The following BBS9 variants were observed in gnomAD, a reference collection of about 807,000 sequenced individuals.
BBS9 encodes the protein protein PTHB1.
BBS9 carries 89 observed loss-of-function variants against 117.7 expected under a neutral mutation model. The ratio of observed to expected loss-of-function variants is 0.76; its 90% CI spans 0.64 to 0.90. The LOEUF is 0.90. Ranked by LOEUF, BBS9 falls within the 40% of genes least tolerant of loss-of-function variation. The probability of loss-of-function intolerance (pLI) is 0.00; values close to 1 mark genes in which losing one functional copy is unlikely to be tolerated. For synonymous variants in BBS9, 379 were observed against 370.9 expected, an observed-to-expected ratio of 1.02 and a Z score of -0.25; for missense variants, 982 against 1,042.2, an observed-to-expected ratio of 0.94 and a Z score of 0.80.
At chr7:33,212,655 A>C (rs1353402608) in intron 5 of BBS9, among the ~76,000 whole-genome samples, 1 of 152,082 alleles carries the variant, frequency 6.6e-6, no homozygotes, top group Non-Finnish European at 1.5e-5. Context: ...TATTTATTGT[A>C]GTCTTTGCAG....
intron 19 of BBS9, among the ~76,000 whole-genome samples, chr7:33,486,428 A>G (rs1362231299): frequency 6.6e-6 from 1 of 152,248 alleles, no homozygotes; most frequent in East Asian, 1.9e-4. Flanking sequence ...CTGTAAAGAA[A>G]TTAAATTTGT....
chr7:33,600,732 G>A (rs1863667768), intron 21 of BBS9, among the ~76,000 whole-genome samples: 1 of 152,166 alleles, frequency 6.6e-6, no homozygotes. Context: ...CATCAGTGGA[G>A]TCAACTCCAG....
chr7:33,455,441 A>G (rs1838502422), intron 19 of BBS9, among the ~76,000 whole-genome samples: 1 of 152,230 alleles, frequency 6.6e-6, no homozygotes. Flanking sequence ...TTCATATTTT[A>G]TAGAAAGTCA....
chr7:33,258,154 A>C (rs1346687606), intron 6 of BBS9, among the ~76,000 whole-genome samples: 2 of 152,190 alleles, frequency 1.3e-5, no homozygotes, highest in African/African-American at 4.8e-5. Context: ...TGGGAAAAGA[A>C]ATAGCCTTGG....
intron 4 of BBS9, among the ~76,000 whole-genome samples, chr7:33,158,344 A>G (rs1487847332): frequency 2.6e-5 from 4 of 152,200 alleles, no homozygotes; most frequent in Admixed American, 6.6e-5. Flanking sequence ...TTTCTAATTG[A>G]TGAAACTTTA....
In BBS9 at chr7:33,350,891, C is replaced by A. The variant is rs111340925; in HGVS notation, c.1433-328C>A. The stretch of plus-strand genomic sequence containing the variant: ...GTATTTTTAGTAAAGATGTGGTTTT[C>A]TCATGTTGGCTAGGCTGGTCTTGAA... On this transcript the variant is annotated intron_variant, in intron 13 of 22. Transcript: ENST00000242067. Among the ~76,000 whole-genome samples, 4,189 of 152,214 alleles carry A rather than the reference C, an allele frequency of 0.028. 190 individuals carry two copies. Among genetic ancestry groups the A allele is most frequent in the African/African-American group, 0.092 (3,799 of 41,518 alleles).
chr7:33,383,434 T>C (rs1206064399), intron 17 of BBS9, among the ~76,000 whole-genome samples: 1 of 152,190 alleles, frequency 6.6e-6, no homozygotes, highest in African/African-American at 2.4e-5. Context: ...GGACCATGCT[T>C]TACACTTTGC....
At chr7:33,564,858 G>C (rs1337494311) in intron 21 of BBS9, among the ~76,000 whole-genome samples, 1 of 152,100 alleles carries the variant, frequency 6.6e-6, no homozygotes, top group African/African-American at 2.4e-5. Context: ...CTCTTTTTGA[G>C]GTAAAGAATG....
At position 33,303,523 on chromosome 7, in the gene BBS9, C is replaced by CCG. The variant is rs1283637588; in HGVS notation, c.1016+29568_1016+29569insGC. On this transcript the variant is annotated intron_variant, in intron 9 of 22. Coordinates refer to ENST00000242067, the MANE Select transcript of BBS9 (RefSeq NM_198428.3). ...TTAGTATCAACTGAAATGATCCCCTCCCCCCGCCCCTTCTTTCTTTGGTCT... is the reference window on the plus strand; with the variant it reads ...TTAGTATCAACTGAAATGATCCCCTCCGCCCCCGCCCCTTCTTTCTTTGGTCT... Among the ~76,000 whole-genome samples, 4 of 36,374 alleles carry CCG rather than the reference C, an allele frequency of 1.1e-4. 1 individual carries two copies. Among genetic ancestry groups the CCG allele is most frequent in the Admixed American group, 4.7e-4 (1 of 2,134 alleles). The allele number at this position is 36,374 out of a possible 152,430, so 23.9% of individuals were successfully genotyped here. A position where few individuals can be genotyped will look rare whatever the true frequency, so the allele number is the denominator to read the frequency against.
At chr7:33,447,152 T>C (rs975725131) in intron 19 of BBS9, among the ~76,000 whole-genome samples, 28 of 152,244 alleles carry the variant, frequency 1.8e-4, no homozygotes, top group African/African-American at 6.3e-4. Flanking sequence ...ACAAAGTTTG[T>C]TAAAGATGTG....
At chr7:33,441,907 C>T (rs1419925) in intron 19 of BBS9, among the ~76,000 whole-genome samples, 84,075 of 138,544 alleles carry the variant, frequency 0.61, 24,443 homozygotes, top group African/African-American at 0.72. Context: ...TTTTTTTTTT[C>T]CCGAGACAGA....
chr7:33,296,960 G>A (rs1805404751), intron 9 of BBS9, among the ~76,000 whole-genome samples: 1 of 152,094 alleles, frequency 6.6e-6, no homozygotes, highest in Non-Finnish European at 1.5e-5. Flanking sequence ...TTGTCTTTCT[G>A]TGCCTGGTTA....
At chr7:33,611,698 A>AAT (rs1035675307) in intron 21 of BBS9, among the ~76,000 whole-genome samples, 1 of 138,468 alleles carries the variant, frequency 7.2e-6, no homozygotes, top group Non-Finnish European at 1.5e-5. Flanking sequence ...AATTAATATT[A>AAT]ATATATATAA....
At chr7:33,570,900 A>G (rs1857668552) in intron 21 of BBS9, among the ~76,000 whole-genome samples, 1 of 152,186 alleles carries the variant, frequency 6.6e-6, no homozygotes, top group Non-Finnish European at 1.5e-5. Flanking sequence ...CATGAAGACT[A>G]AGGAATTATC....
At chr7:33,389,950 G>T (rs1390831794) in intron 19 of BBS9, among the ~76,000 whole-genome samples, 1 of 151,994 alleles carries the variant, frequency 6.6e-6, no homozygotes, top group Non-Finnish European at 1.5e-5. Flanking sequence ...TACAAAATTT[G>T]TTCCACAAAT....
At chr7:33,431,732 T>A (rs376589109) in intron 19 of BBS9, among the ~76,000 whole-genome samples, 1 of 152,218 alleles carries the variant, frequency 6.6e-6, no homozygotes, top group Non-Finnish European at 1.5e-5. Flanking sequence ...ATTTATGTGA[T>A]ATTTTGTTTT....
chr7:33,546,100 A>AT (rs1484599806), intron 21 of BBS9, among the ~76,000 whole-genome samples: 2 of 151,330 alleles, frequency 1.3e-5, no homozygotes, highest in African/African-American at 4.9e-5. Context: ...CGCCTGGCTA[A>AT]TTTTTTGTAT....
At chr7:33,397,546 A>G (rs1828191449) in intron 19 of BBS9, among the ~76,000 whole-genome samples, 1 of 152,206 alleles carries the variant, frequency 6.6e-6, no homozygotes, top group South Asian at 2.1e-4. Flanking sequence ...AGTTCACAAT[A>G]GCAAAAACAT....
At chr7:33,370,914 C>T (rs896412234) in intron 17 of BBS9, among the ~76,000 whole-genome samples, 1 of 151,618 alleles carries the variant, frequency 6.6e-6, no homozygotes, top group African/African-American at 2.4e-5. Flanking sequence ...TAAAAGTATC[C>T]AAAATATGAA....
Sources: allele counts gnomAD v4.1 joint callset (sites outside exome capture counted in the v4.1 genomes callset), GRCh38; gene constraint gnomAD v4.1.1; transcripts MANE v1.5; gene names NCBI Gene and HGNC (gene_info 2026-07-23, HGNC 2026-07-21).